Variants in C10orf71 observed in about 807,000 individuals in gnomAD.
C10orf71 encodes cardiac-enriched FHL2-interacting protein.
For missense variants in C10orf71, 1,869 were observed against 1,804.5 expected, an observed-to-expected ratio of 1.04 and a Z score of -0.65; for synonymous variants, 758 against 726.3, an observed-to-expected ratio of 1.04 and a Z score of -0.70.
In C10orf71 at chr10:49,324,775, C is replaced by T. The variant is rs948416792; in HGVS notation, c.2230C>T (p.Gln744Ter). The T allele has an allele frequency of 3.2e-6, 5 of 1,553,212 alleles. No homozygotes were observed. The African/African-American group carries it at 6.8e-5, about 21-fold the overall frequency. ...ATCCTTTGCCTCATTTGATGATCAGCAGAAGATGTGGTTTACTGAGAACCA... is the reference window on the plus strand; with the variant it reads ...ATCCTTTGCCTCATTTGATGATCAGTAGAAGATGTGGTTTACTGAGAACCA... Reference protein sequence around the residue: ...DQSFASFDDQQKMWFTENQRE... With the variant: ...DQSFASFDDQ The change falls in exon 3 of 3, where the codon CAG becomes TAG. Residue 744 changes from glutamine (Q) to a stop codon, truncating the protein, a stop_gained. Transcript: ENST00000374144. LOFTEE classifies it low-confidence loss of function (END_TRUNC).
chr10:49,307,894 G>T (rs1848842282), intron 1 of C10orf71, among the ~76,000 whole-genome samples: 1 of 152,118 alleles, frequency 6.6e-6, no homozygotes, highest in Admixed American at 6.5e-5. Flanking sequence ...GGTCTGTGAT[G>T]CCAGGTATTG....
At position 49,314,379 on chromosome 10, in the gene C10orf71, CCT is replaced by C. The variant is rs1206133959; in HGVS notation, c.-247-1764_-247-1763del. Among the ~76,000 whole-genome samples, 181 of 152,322 alleles carry C rather than the reference CCT, an allele frequency of 1.2e-3. 2 individuals are homozygous for C. Among genetic ancestry groups the C allele is most frequent in the Admixed American group, 0.011 (165 of 15,302 alleles). ...CATGGCCCTGCCATGTGCACTGTAT[CCT>C]CCTTCATGCTGCCTGAAGGGAACAC... On this transcript the variant is annotated intron_variant, in intron 1 of 2. Coordinates refer to ENST00000374144, the MANE Select transcript of C10orf71 (RefSeq NM_001135196.2).
chr10:49,325,667 C>T lies in C10orf71; in HGVS notation c.3122C>T (p.Ala1041Val), dbSNP rs1353651144. 7 of 1,551,990 alleles carry T rather than the reference C, an allele frequency of 4.5e-6. No homozygotes were observed. The Admixed American group carries it at 1.4e-4, about 30-fold the overall frequency. ...FKSHFLSTPR[A>V]GPPGRRLVPS... is the part of the protein sequence containing the mutation. ...AGTCACTTTTTGTCCACACCCAGAG[C>T]AGGGCCCCCTGGCAGAAGACTGGTC... The change falls in exon 3 of 3, where the codon GCA (alanine) becomes GTA (valine). Residue 1041 changes from alanine to valine, a missense_variant. By Grantham distance (64) the Ala-to-Val change is moderately conservative (BLOSUM62 0). Coordinates refer to ENST00000374144, the MANE Select transcript of C10orf71 (RefSeq NM_001135196.2).
chr10:49,322,869 A>T lies in C10orf71; in HGVS notation c.324A>T (p.Gly108=), dbSNP rs772130095. The T allele has an allele frequency of 5.4e-5, 87 of 1,613,796 alleles. No homozygotes were observed. Among genetic ancestry groups the T allele is most frequent in the Non-Finnish European group, 7.4e-5 (87 of 1,179,868 alleles). The change falls in exon 3 of 3, where the codon GGA becomes GGT. Residue 108 remains glycine (G), a synonymous_variant. Coordinates refer to ENST00000374144, the MANE Select transcript of C10orf71 (RefSeq NM_001135196.2). ...TFQQLPKYVQ[G]EEKYPKTSPP... Reference sequence around the variant, plus strand: ...AACAGCTACCCAAGTACGTTCAGGGAGAGGAAAAGTACCCCAAAACCAGCC... The same window carrying T: ...AACAGCTACCCAAGTACGTTCAGGGTGAGGAAAAGTACCCCAAAACCAGCC...
In C10orf71 at chr10:49,325,782, T is replaced by C; in HGVS notation, c.3237T>C (p.Ser1079=). Reference sequence around the variant, plus strand: ...CTGCCAGCAACATTTGGGAGGAGTCTTCCCAGGCCCCTGGAGGACCAGAGC... The same window carrying C: ...CTGCCAGCAACATTTGGGAGGAGTCCTCCCAGGCCCCTGGAGGACCAGAGC... ...SPAASNIWEE[S]SQAPGGPELL... The change falls in exon 3 of 3, where the codon TCT becomes TCC. Residue 1079 remains serine (S), a synonymous_variant. Transcript: ENST00000374144. 1 of 1,551,472 alleles carries C rather than the reference T, an allele frequency of 6.4e-7. No individual in the cohort carries two copies.
chr10:49,312,076 A>G (rs1174048723), intron 1 of C10orf71, among the ~76,000 whole-genome samples: 2 of 152,182 alleles, frequency 1.3e-5, no homozygotes, highest in Non-Finnish European at 2.9e-5. Flanking sequence ...ATTCATGGGG[A>G]TACATGTTCA....
At chr10:49,314,424 G>C (rs1848965844) in intron 1 of C10orf71, among the ~76,000 whole-genome samples, 1 of 152,202 alleles carries the variant, frequency 6.6e-6, no homozygotes. Flanking sequence ...CACTGGCAAA[G>C]TGCTCTATGA....
chr10:49,306,742 C>T (rs1374923476), intron 1 of C10orf71, among the ~76,000 whole-genome samples: 2 of 152,170 alleles, frequency 1.3e-5, no homozygotes, highest in African/African-American at 4.8e-5. Flanking sequence ...CTCTCACATG[C>T]CATGTCCCTC....
At chr10:49,305,957 G>A (rs1253706450) in intron 1 of C10orf71, among the ~76,000 whole-genome samples, 1 of 152,222 alleles carries the variant, frequency 6.6e-6, no homozygotes, top group Non-Finnish European at 1.5e-5. Flanking sequence ...AGAAGGGTAA[G>A]CTTTGCTTTG....
intron 2 of C10orf71, among the ~76,000 whole-genome samples, chr10:49,319,990 A>G (rs901163878): frequency 1.3e-5 from 2 of 152,094 alleles, no homozygotes; most frequent in Non-Finnish European, 2.9e-5. Flanking sequence ...GGGAGGGGAA[A>G]TGGTAAGTTG....
rs1032605260 is a variant in C10orf71, at chr10:49,325,367, G to A, written c.2822G>A (p.Gly941Glu). 1.9e-6 allele frequency: 3 copies of A among 1,551,726 alleles called. No homozygotes were observed. Among genetic ancestry groups the A allele is most frequent in the East Asian group, 2.4e-5 (1 of 40,906 alleles). The change falls in exon 3 of 3, where the codon GGG (glycine) becomes GAG (glutamate). Residue 941 changes from glycine (G) to glutamate (E), a missense_variant. Transcript: ENST00000374144. ...GAGGTCATGGAGGACCCTGGGCAGG[G>A]GTCGAGCATGGCCAGGATGGAGGCC... ...ANEVMEDPGQ[G>E]SSMARMEASQ...
chr10:49,305,239 C>G (rs2132401849), intron 1 of C10orf71, among the ~76,000 whole-genome samples: 1 of 152,198 alleles, frequency 6.6e-6, no homozygotes, highest in South Asian at 2.1e-4. Flanking sequence ...GGTGGGTCCC[C>G]AAAGTCACAG....
Position 49,322,649 on chromosome 10 carries a change from G to C in C10orf71, c.104G>C (p.Arg35Pro). The change falls in exon 3 of 3, where the codon CGG (arginine) becomes CCG (proline). Residue 35 changes from arginine (R) to proline (P), a missense_variant. Transcript: ENST00000374144. ...AGGGAGGTGAGCAGCCTAACAGACC[G>C]GGCATTCCGGAGTTTGTGCATCTCC... Reference protein sequence around the residue: ...ADREVSSLTDRAFRSLCISED... With the variant: ...ADREVSSLTDPAFRSLCISED... The C allele has an allele frequency of 6.2e-7, 1 of 1,613,496 alleles. No individual in the cohort carries two copies. The highest frequency in any genetic ancestry group is 8.5e-7 in the Non-Finnish European group (1 of 1,179,648).
intron 2 of C10orf71, among the ~76,000 whole-genome samples, chr10:49,316,953 C>A (rs1422121214): frequency 6.6e-6 from 1 of 152,156 alleles, no homozygotes; most frequent in Non-Finnish European, 1.5e-5. Flanking sequence ...ATAGTGAATA[C>A]CTACTAATAC....
intron 1 of C10orf71, among the ~76,000 whole-genome samples, chr10:49,307,405 C>T (rs1467371283): frequency 1.2e-4 from 18 of 152,250 alleles, no homozygotes; most frequent in East Asian, 7.7e-4. Flanking sequence ...TGTCCAGAGA[C>T]GGTGTCTGGC....
At chr10:49,319,713 T>C (rs1311051256) in intron 2 of C10orf71, among the ~76,000 whole-genome samples, 4 of 27,580 alleles carry the variant, frequency 1.5e-4, no homozygotes, top group African/African-American at 2.8e-4. Flanking sequence ...TATATATATA[T>C]ATATATATAT....
intron 1 of C10orf71, among the ~76,000 whole-genome samples, chr10:49,314,818 A>G (rs1366411195): frequency 6.6e-6 from 1 of 152,222 alleles, no homozygotes; most frequent in Admixed American, 6.5e-5. Context: ...AATTCCTATT[A>G]TCTTTTCCCT....
chr10:49,323,870 A>C lies in C10orf71; in HGVS notation c.1325A>C (p.Asn442Thr). The C allele has an allele frequency of 6.2e-7, 1 of 1,613,348 alleles. No individual in the cohort carries two copies. The highest frequency in any genetic ancestry group is 8.5e-7 in the Non-Finnish European group (1 of 1,179,750). Residue 442 changes from asparagine (N) to threonine (T), a missense_variant, in exon 3 of 3, where the codon AAC becomes ACC. By Grantham distance (65) the Asn-to-Thr change is moderately conservative. Transcript: ENST00000374144. ...EPNEHYDPPF[N>T]ISKLLTPIIP... ...AATGAACATTATGATCCCCCCTTTA[A>C]CATCAGTAAGCTCCTGACCCCCATC... is the stretch of plus-strand genomic sequence containing the variant.
intron 2 of C10orf71, among the ~76,000 whole-genome samples, chr10:49,318,056 TGCG>T (rs750122036): frequency 1.5e-3 from 228 of 152,292 alleles, no homozygotes; most frequent in Admixed American, 4.4e-3. Flanking sequence ...TCCAGAACTG[TGCG>T]GCAATACATT....
Sources: allele counts gnomAD v4.1 joint callset (sites outside exome capture counted in the v4.1 genomes callset), GRCh38; gene constraint gnomAD v4.1.1; transcripts MANE v1.5; gene names NCBI Gene and HGNC (gene_info 2026-07-23, HGNC 2026-07-21).